The following FAM83B variants were observed in gnomAD, a reference collection of about 807,000 sequenced individuals.
FAM83B encodes the protein scaffolding CK1 anchoring protein B.
FAM83B carries 26 observed loss-of-function variants against 38.8 expected under a neutral mutation model. The ratio of observed to expected loss-of-function variants is 0.67; its 90% CI spans 0.49 to 0.93. The LOEUF (loss-of-function observed/expected upper bound fraction) is 0.93, where lower values mean the gene tolerates loss of function less well. Ranked by LOEUF, FAM83B falls within the 40% of genes least tolerant of loss-of-function variation. The probability of loss-of-function intolerance (pLI) is 0.00; values close to 1 mark genes in which losing one functional copy is unlikely to be tolerated. For missense variants in FAM83B, 1,237 were observed against 1,197.3 expected, an observed-to-expected ratio of 1.03 and a Z score of -0.49; for synonymous variants, 419 against 423.1, an observed-to-expected ratio of 0.99 and a Z score of 0.12.
rs560943525 is a variant in FAM83B, at chr6:54,925,741, G to C, written c.445-630G>C. On this transcript the variant is annotated intron_variant, in intron 2 of 4. Transcript: ENST00000306858. ...TGAAACTCACATATATGGAGGTCCT[G>C]CTTTCCATATACGTGGGTTCTTCAG... Among the ~76,000 whole-genome samples, 129 of 151,988 alleles carry C rather than the reference G, an allele frequency of 8.5e-4. 1 individual carries two copies. Among genetic ancestry groups the C allele is most frequent in the African/African-American group, 3.0e-3 (123 of 41,456 alleles).
chr6:54,864,918 G>T (rs1464425439), intron 1 of FAM83B, among the ~76,000 whole-genome samples: 1 of 152,032 alleles, frequency 6.6e-6, no homozygotes, highest in African/African-American at 2.4e-5. Flanking sequence ...CAATATATGA[G>T]AGTTTGCAAA....
Position 54,941,234 on chromosome 6 carries a change from C to T in FAM83B, c.2263C>T (p.Leu755Phe), listed in dbSNP as rs775425584. The T allele has an allele frequency of 5.0e-6, 8 of 1,613,238 alleles. No individual in the cohort carries two copies. Among genetic ancestry groups the T allele is most frequent in the Middle Eastern group, 1.7e-4 (1 of 6,056 alleles). The change falls in exon 5 of 5, where the codon CTT becomes TTT. Residue 755 changes from leucine (L) to phenylalanine (F), a missense_variant. Transcript: ENST00000306858. ...GAATAAAGAGGAATCTAACAAAGAA[C>T]TTGCTTCAAAGAAGGAAGTTAAGGG... is the stretch of plus-strand genomic sequence containing the variant. The part of the protein sequence containing the change: ...DVNKEESNKE[L>F]ASKKEVKGSP...
intron 2 of FAM83B, among the ~76,000 whole-genome samples, chr6:54,883,644 A>G (rs1772195655): frequency 6.6e-6 from 1 of 151,896 alleles, no homozygotes; most frequent in Non-Finnish European, 1.5e-5. Flanking sequence ...CCGATTGTTT[A>G]AAACTAGGTT....
chr6:54,903,674 A>G (rs551162714), intron 2 of FAM83B, among the ~76,000 whole-genome samples: 7 of 152,252 alleles, frequency 4.6e-5, no homozygotes, highest in African/African-American at 1.7e-4. Flanking sequence ...TAACTGCTAT[A>G]AAATCGTCTT....
Position 54,941,974 on chromosome 6 carries a change from A to G in FAM83B, c.3003A>G (p.Gln1001=). 2 of 1,605,666 alleles carry G rather than the reference A, an allele frequency of 1.2e-6. No homozygotes were observed. The highest frequency in any genetic ancestry group is 1.1e-5 in the South Asian group (1 of 88,976). The part of the protein sequence containing the change: ...PNENKFRGFM[Q]KFGNFIHKNK ...AGAACAAGTTTCGAGGATTTATGCAAAAGTTTGGAAACTTTATACACAAAA... is the reference window on the plus strand; with the variant it reads ...AGAACAAGTTTCGAGGATTTATGCAGAAGTTTGGAAACTTTATACACAAAA... Residue 1001 remains glutamine, a synonymous_variant, in exon 5 of 5, where the codon CAA becomes CAG. Transcript: ENST00000306858.
intron 2 of FAM83B, among the ~76,000 whole-genome samples, chr6:54,885,090 C>T (rs1324578927): frequency 6.6e-6 from 1 of 151,922 alleles, no homozygotes; most frequent in Non-Finnish European, 1.5e-5. Flanking sequence ...ATACTTTTTT[C>T]AGTATTGCCT....
At position 54,870,298 on chromosome 6, in the gene FAM83B, A is replaced by G; in HGVS notation, c.52A>G (p.Asn18Asp). 1 of 1,614,008 alleles carries G rather than the reference A, an allele frequency of 6.2e-7. No individual in the cohort carries two copies. Among genetic ancestry groups the G allele is most frequent in the Non-Finnish European group, 8.5e-7 (1 of 1,179,914 alleles). The change falls in exon 2 of 5, where the codon AAC becomes GAC. Residue 18 changes from asparagine to aspartate, a missense_variant. By Grantham distance (23) the Asn-to-Asp change is conservative (BLOSUM62 1). Coordinates refer to ENST00000306858, the MANE Select transcript of FAM83B (RefSeq NM_001010872.3). ...ATTGAATGATGAGTGTAAATCTGAC[A>G]ACTACATTGAGCCTCACTACAAGGA... is the stretch of plus-strand genomic sequence containing the variant. ...SSLNDECKSD[N>D]YIEPHYKEWY...
At chr6:54,861,774 A>G (rs1771590968) in intron 1 of FAM83B, among the ~76,000 whole-genome samples, 1 of 152,108 alleles carries the variant, frequency 6.6e-6, no homozygotes, top group African/African-American at 2.4e-5. Context: ...ACGGGGAAAG[A>G]AGGGAGTTTA....
intron 1 of FAM83B, among the ~76,000 whole-genome samples, chr6:54,868,792 T>C (rs1014120442): frequency 1.3e-5 from 2 of 152,128 alleles, no homozygotes; most frequent in Non-Finnish European, 2.9e-5. Context: ...GAAAAGAACA[T>C]GTTCTATTTT....
intron 4 of FAM83B, among the ~76,000 whole-genome samples, chr6:54,938,096 C>T (rs1031658535): frequency 2.0e-5 from 3 of 152,068 alleles, no homozygotes; most frequent in African/African-American, 7.2e-5. Context: ...CTTTAACTCT[C>T]ACTGATAAGT....
rs171224 is a variant in FAM83B, at chr6:54,942,208, T to G, written c.*201T>G. ...AGATAGAATTTCTCTGTAAACACAT[T>G]ATTTGTAAGTGGTAATGGTAAAAAT... On this transcript the variant is annotated 3_prime_UTR_variant, in exon 5 of 5. Transcript: ENST00000306858. 0.64 allele frequency among the ~76,000 whole-genome samples: 97,528 copies of G among 152,006 alleles called. 33,080 individuals are homozygous for G. The highest frequency in any genetic ancestry group is 0.89 in the East Asian group (4,592 of 5,168).
chr6:54,933,777 A>C (rs1773472655), intron 4 of FAM83B, among the ~76,000 whole-genome samples: 1 of 151,830 alleles, frequency 6.6e-6, no homozygotes, highest in Non-Finnish European at 1.5e-5. Context: ...TGATTTCTAA[A>C]CTCTGGTTCC....
chr6:54,861,990 G>T (rs1030126105), intron 1 of FAM83B, among the ~76,000 whole-genome samples: 1 of 152,138 alleles, frequency 6.6e-6, no homozygotes, highest in Non-Finnish European at 1.5e-5. Context: ...GTCTTGGAAA[G>T]TTTCTTAAGT....
chr6:54,891,090 G>A (rs1772391694), intron 2 of FAM83B, among the ~76,000 whole-genome samples: 1 of 152,156 alleles, frequency 6.6e-6, no homozygotes. Flanking sequence ...TTGCTTCCCT[G>A]CTGCTAGTGT....
In FAM83B at chr6:54,926,527, C is replaced by G; in HGVS notation, c.601C>G (p.Arg201Gly). ...TGAGAAACAAGGTTGTTCAGTTCAGCGTCTCAGGGTAAGAATTCTGTTTTT... is the reference window on the plus strand; with the variant it reads ...TGAGAAACAAGGTTGTTCAGTTCAGGGTCTCAGGGTAAGAATTCTGTTTTT... Reference protein sequence around the residue: ...MTEKQGCSVQRLRNIRVRTVK... With the variant: ...MTEKQGCSVQGLRNIRVRTVK... The change falls in exon 3 of 5, where the codon CGT becomes GGT. Residue 201 changes from arginine to glycine, a missense_variant. By Grantham distance (125) the Arg-to-Gly change is moderately radical. Transcript: ENST00000306858. 1 of 1,561,704 alleles carries G rather than the reference C, an allele frequency of 6.4e-7. No homozygotes were observed. The highest frequency in any genetic ancestry group is 8.7e-7 in the Non-Finnish European group (1 of 1,154,778).
intron 2 of FAM83B, among the ~76,000 whole-genome samples, chr6:54,883,145 G>A (rs942998270): frequency 1.8e-4 from 28 of 151,892 alleles, no homozygotes; most frequent in African/African-American, 4.8e-4. Flanking sequence ...TGGTTTCACC[G>A]TGTTAGCCAG....
In FAM83B at chr6:54,942,565, AT is replaced by A. The variant is rs112602113; in HGVS notation, c.*567del. The stretch of plus-strand genomic sequence containing the variant: ...GTACCTTTTACATTTTTTATTTTTT[AT>A]TTTTTTTTCTGCCTGAAGTGTTTGC... On this transcript the variant is annotated 3_prime_UTR_variant, in exon 5 of 5. Transcript: ENST00000306858. 1.3e-5 allele frequency among the ~76,000 whole-genome samples: 2 copies of A among 149,946 alleles called. No individual in the cohort carries two copies. The highest frequency in any genetic ancestry group is 3.0e-5 in the Non-Finnish European group (2 of 67,510).
intron 2 of FAM83B, among the ~76,000 whole-genome samples, chr6:54,885,514 A>G (rs746098242): frequency 3.9e-5 from 6 of 151,974 alleles, no homozygotes; most frequent in Non-Finnish European, 5.9e-5. Flanking sequence ...AATAGTTTTT[A>G]TATAGATTAT....
In FAM83B at chr6:54,942,800, C is replaced by T. The variant is rs925887471; in HGVS notation, c.*793C>T. On this transcript the variant is annotated 3_prime_UTR_variant, in exon 5 of 5. Coordinates refer to ENST00000306858, the MANE Select transcript of FAM83B (RefSeq NM_001010872.3). ...TAGAAAATCTGAATGATTCCCCCTC[C>T]TTTTTCTATTGTATAAAAGCTTTTA... 6.6e-6 allele frequency among the ~76,000 whole-genome samples: 1 copy of T among 151,858 alleles called. No homozygotes were observed.
Sources: gnomAD v4.1 joint callset for allele counts (sites outside exome capture counted in the v4.1 genomes callset) on GRCh38, gnomAD v4.1.1 for gene constraint, MANE v1.5 for transcripts, NCBI Gene and HGNC (gene_info 2026-07-23, HGNC 2026-07-21) for gene names.